Variants in MCU observed in about 807,000 individuals in gnomAD.
The protein encoded by MCU is calcium uniporter protein, mitochondrial.
MCU carries 12 observed loss-of-function variants against 45.2 expected under a neutral mutation model. That is an observed-to-expected ratio of 0.27 (90% CI 0.17 to 0.43). The LOEUF is 0.43. Ranked by LOEUF, MCU falls within the 20% of genes least tolerant of loss-of-function variation. The pLI is 1.00. For missense variants in MCU, 324 were observed against 436.7 expected (o/e 0.74, Z 2.30); for synonymous variants, 160 against 165.1 (o/e 0.97, Z 0.24).
At chr10:72,795,533 T>C (rs184674628) in intron 1 of MCU, among the ~76,000 whole-genome samples, 1 of 152,344 alleles carries the variant, frequency 6.6e-6, no homozygotes, top group Admixed American at 6.5e-5. Flanking sequence ...GAAATATTAG[T>C]GTATAACATG....
chr10:72,700,579 A>C (rs1158684922), intron 1 of MCU, among the ~76,000 whole-genome samples: 1 of 152,248 alleles, frequency 6.6e-6, no homozygotes, highest in Non-Finnish European at 1.5e-5. Flanking sequence ...AGTTTAGTGA[A>C]TTATTGGTCC....
rs1370747212 is a variant in MCU, at chr10:72,861,961, A to C, written c.496+1434A>C. Among the ~76,000 whole-genome samples, 3 of 151,668 alleles carry C rather than the reference A, an allele frequency of 2.0e-5. 1 individual carries two copies. The South Asian group carries it at 6.3e-4, about 32-fold the overall frequency. ...AGTACAATGCTAAGTAGCCCTCTAA[A>C]ATAGCGTTTTGAGTTGTGTCTTTTT... On this transcript the variant is annotated intron_variant, in intron 4 of 7. Coordinates refer to ENST00000373053, the MANE Select transcript of MCU (RefSeq NM_138357.3).
chr10:72,692,209 GGCGGGGGCGCCGGCGGCT>G lies in MCU; in HGVS notation c.65_82del (p.Gly22_Gly27del), dbSNP rs1325532439. 12 of 1,254,820 alleles carry G rather than the reference GGCGGGGGCGCCGGCGGCT, an allele frequency of 9.6e-6. No individual in the cohort carries two copies. Among genetic ancestry groups the G allele is most frequent in the South Asian group, 7.9e-5 (2 of 25,262 alleles). 77.7% of individuals were successfully genotyped at this position (1,254,820 alleles called of 1,614,324 possible). On this transcript the variant is annotated inframe_deletion, in exon 1 of 8. Transcript: ENST00000373053. ...GCTCCTCTCCTCTCGGGGCGGCGGCGGCGGGGGCGCCGGCGGCTGCGGGGCGCTGACTGCCGGCTGCTT... is the reference window on the plus strand; with the variant it reads ...GCTCCTCTCCTCTCGGGGCGGCGGCGGCGGGGCGCTGACTGCCGGCTGCTT...
At position 72,859,059 on chromosome 10, in the gene MCU, T is replaced by C. The variant is rs1589500001; in HGVS notation, c.221-118T>C. 3.9e-6 allele frequency: 4 copies of C among 1,028,820 alleles called. No individual in the cohort carries two copies. The East Asian group carries it at 1.0e-4, about 26-fold the overall frequency. The allele number at this position is 1,028,820 out of a possible 1,614,324, so 63.7% of individuals were successfully genotyped here. A position where few individuals can be genotyped will look rare whatever the true frequency, so the allele number is the denominator to read the frequency against. ...AGCTAAAGGGCATGTTCTTAAACCT[T>C]CTTTGAAAACATTTTAAATCACACT... On this transcript the variant is annotated intron_variant, in intron 2 of 7. Coordinates refer to ENST00000373053, the MANE Select transcript of MCU (RefSeq NM_138357.3).
At chr10:72,745,885 T>A (rs1235034923) in intron 1 of MCU, among the ~76,000 whole-genome samples, 1 of 152,218 alleles carries the variant, frequency 6.6e-6, no homozygotes. Flanking sequence ...ATTTTAATAA[T>A]TTTGACGTGT....
At chr10:72,711,221 CTTT>C (rs78511090) in intron 1 of MCU, among the ~76,000 whole-genome samples, 6 of 130,080 alleles carry the variant, frequency 4.6e-5, no homozygotes, top group Non-Finnish European at 3.3e-5. Flanking sequence ...TTCTGCAAAT[CTTT>C]TTTTTTTTTT....
At chr10:72,820,769 C>T (rs148299763) in intron 1 of MCU, among the ~76,000 whole-genome samples, 25 of 152,340 alleles carry the variant, frequency 1.6e-4, no homozygotes, top group African/African-American at 6.0e-4. Context: ...ACCTCAGCTT[C>T]CCAAAGTGCT....
At chr10:72,767,202 T>G (rs1843740171) in intron 1 of MCU, 1 of 152,228 alleles carries the variant, frequency 6.6e-6, no homozygotes, top group East Asian at 1.9e-4. Flanking sequence ...AATGGATTAC[T>G]TTGGTTTAAG....
At chr10:72,706,308 T>A (rs925231942) in intron 1 of MCU, among the ~76,000 whole-genome samples, 1 of 151,874 alleles carries the variant, frequency 6.6e-6, no homozygotes, top group Non-Finnish European at 1.5e-5. Context: ...ATTAGAAATA[T>A]AGATATATGA....
intron 1 of MCU, among the ~76,000 whole-genome samples, chr10:72,833,010 A>G (rs1302102343): frequency 6.7e-6 from 1 of 149,874 alleles, no homozygotes; most frequent in Admixed American, 6.7e-5. Flanking sequence ...ATAAACAAGA[A>G]TAGCTGGGAG....
At chr10:72,805,165 C>CTG (rs1468524303) in intron 1 of MCU, among the ~76,000 whole-genome samples, 31 of 55,110 alleles carry the variant, frequency 5.6e-4, no homozygotes, top group South Asian at 1.1e-3. Context: ...CTTTCTGTCT[C>CTG]TCTCTCTCTC....
rs112298026 is a variant in MCU at position 72,693,173 on chromosome 10, AGTGTGT to A, written c.150+894_150+899del. On this transcript the variant is annotated intron_variant, in intron 1 of 7. Transcript: ENST00000373053. ...ATTTCTGTTTGAACACTCTTGGGTG[AGTGTGT>A]GTGTGTGTGTGTGTGTGTGTGAGAG... 1,813 of 797,384 alleles carry A rather than the reference AGTGTGT, an allele frequency of 2.3e-3. 1 individual carries two copies. Among genetic ancestry groups the A allele is most frequent in the African/African-American group, 5.6e-3 (311 of 55,492 alleles). 49.4% of individuals were successfully genotyped at this position (797,384 alleles called of 1,614,324 possible).
chr10:72,747,901 T>C (rs1347393101), intron 1 of MCU, among the ~76,000 whole-genome samples: 1 of 151,996 alleles, frequency 6.6e-6, no homozygotes, highest in Non-Finnish European at 1.5e-5. Context: ...TTAGTAGCCG[T>C]ATTTTAAAAA....
intron 1 of MCU, among the ~76,000 whole-genome samples, chr10:72,693,981 A>G (rs1445244853): frequency 6.6e-6 from 1 of 152,166 alleles, no homozygotes; most frequent in Non-Finnish European, 1.5e-5. Context: ...TATATTTTCC[A>G]CTATGCAAAT....
At chr10:72,862,069 C>T (rs1198962898) in intron 4 of MCU, among the ~76,000 whole-genome samples, 1 of 151,236 alleles carries the variant, frequency 6.6e-6, no homozygotes, top group East Asian at 2.0e-4. Flanking sequence ...GCAAGTTCCG[C>T]CTCCCAGGTT....
chr10:72,712,175 G>A (rs558408681), intron 1 of MCU: 1 of 152,182 alleles, frequency 6.6e-6, no homozygotes, highest in Admixed American at 6.5e-5. Flanking sequence ...TGAATATTCT[G>A]GGGGACAGGA....
rs114999398 is a variant in MCU at position 72,801,694 on chromosome 10, C to T, written c.151-32665C>T. ...TTTTTCTTTTTTTTTTTTTTTAATA[C>T]GCGGTCTCATTCTGTCACCCAGGTT... On this transcript the variant is annotated intron_variant, in intron 1 of 7. Coordinates refer to ENST00000373053, the MANE Select transcript of MCU (RefSeq NM_138357.3). Among the ~76,000 whole-genome samples, 488 of 141,672 alleles carry T rather than the reference C, an allele frequency of 3.4e-3. 5 individuals are homozygous for T. The highest frequency in any genetic ancestry group is 0.013 in the African/African-American group (474 of 37,542). The allele number at this position is 141,672 out of a possible 152,430, so 92.9% of individuals were successfully genotyped here.
intron 1 of MCU, among the ~76,000 whole-genome samples, chr10:72,739,695 AG>A (rs1390556179): frequency 6.6e-6 from 1 of 150,770 alleles, no homozygotes; most frequent in East Asian, 1.9e-4. Flanking sequence ...AAGAACATTA[AG>A]ATTTTTTTTT....
chr10:72,832,932 C>CTGTGTGTGTGTGTGTGTGTGTGTG (rs1399130294), intron 1 of MCU, among the ~76,000 whole-genome samples: 3,801 of 57,100 alleles, frequency 0.067, 208 homozygotes, highest in African/African-American at 0.14. Flanking sequence ...AAACCAATAG[C>CTGTGTGTGTGTGTGTGTGTGTGTG]TATGTGTGTG....
Sources: allele counts gnomAD v4.1 joint callset (sites outside exome capture counted in the v4.1 genomes callset), GRCh38; gene constraint gnomAD v4.1.1; transcripts MANE v1.5; gene names NCBI Gene and HGNC (gene_info 2026-07-23, HGNC 2026-07-21).